Variants in KCNIP1 observed in about 807,000 individuals in gnomAD.
KCNIP1 encodes A-type potassium channel modulatory protein KCNIP1.
A neutral mutation model predicts 33.0 loss-of-function variants in KCNIP1; 18 were observed. The observed-to-expected ratio is 0.55, with a 90% CI of 0.38 to 0.81. The LOEUF (loss-of-function observed/expected upper bound fraction) is 0.81. Among genes scored for constraint, KCNIP1 ranks in the 30% least tolerant of loss-of-function variants. The pLI, the probability that KCNIP1 is intolerant of heterozygous loss-of-function variation, is 0.00. For synonymous variants in KCNIP1, 93 were observed against 98.3 expected, an observed-to-expected ratio of 0.95 and a Z score of 0.32; for missense variants, 238 against 271.6, an observed-to-expected ratio of 0.88 and a Z score of 0.87.
At chr5:170,371,325 C>A (rs966603395) in intron 1 of KCNIP1, among the ~76,000 whole-genome samples, 1 of 152,178 alleles carries the variant, frequency 6.6e-6, no homozygotes, top group Non-Finnish European at 1.5e-5. Flanking sequence ...ATCACCCCCA[C>A]ATCTATTGAG....
At chr5:170,424,146 G>A (rs1003282361) in intron 1 of KCNIP1, among the ~76,000 whole-genome samples, 2 of 152,212 alleles carry the variant, frequency 1.3e-5, no homozygotes, top group African/African-American at 4.8e-5. Context: ...TTACTAGGGA[G>A]CTTCTCAGAC....
chr5:170,723,621 T>A (rs535638404), intron 5 of KCNIP1, among the ~76,000 whole-genome samples: 1 of 151,870 alleles, frequency 6.6e-6, no homozygotes, highest in Non-Finnish European at 1.5e-5. Context: ...CATTTAGTCA[T>A]GTTTTTAATT....
At chr5:170,699,555 T>C (rs1215528638) in intron 1 of KCNIP1, among the ~76,000 whole-genome samples, 1 of 118,220 alleles carries the variant, frequency 8.5e-6, no homozygotes, top group East Asian at 2.7e-4. Flanking sequence ...AATTGCTCTG[T>C]GAAAAAAAAA....
intron 1 of KCNIP1, among the ~76,000 whole-genome samples, chr5:170,532,250 A>T (rs534914176): frequency 9.2e-5 from 14 of 152,332 alleles, no homozygotes; most frequent in Admixed American, 2.6e-4. Context: ...ACTGACTTTA[A>T]TTTCAACTTC....
At position 170,638,299 on chromosome 5, in the gene KCNIP1, T is replaced by G. The variant is rs575122943; in HGVS notation, c.62-80459T>G. ...AGCAGTTGCCTTTGCTCGGTGGTCTTCAGCTTTGCCCCCTGCCAGGCACGT... is the reference window on the plus strand; with the variant it reads ...AGCAGTTGCCTTTGCTCGGTGGTCTGCAGCTTTGCCCCCTGCCAGGCACGT... On this transcript the variant is annotated intron_variant, in intron 1 of 7. Transcript: ENST00000328939. Among the ~76,000 whole-genome samples the G allele has an allele frequency of 2.0e-5, 3 of 151,996 alleles. No homozygotes were observed. In the East Asian group the frequency reaches 5.8e-4, roughly 30 times the overall value.
At chr5:170,528,922 T>C (rs1755684004) in intron 1 of KCNIP1, among the ~76,000 whole-genome samples, 1 of 152,202 alleles carries the variant, frequency 6.6e-6, no homozygotes, top group Admixed American at 6.5e-5. Flanking sequence ...TCAATAGTCC[T>C]GGGCAGTGTT....
At chr5:170,427,780 T>G (rs772708955) in intron 1 of KCNIP1, among the ~76,000 whole-genome samples, 4 of 152,272 alleles carry the variant, frequency 2.6e-5, no homozygotes, top group Non-Finnish European at 5.9e-5. Context: ...CAAAGGAAAG[T>G]GTGCTGCCAG....
intron 1 of KCNIP1, among the ~76,000 whole-genome samples, chr5:170,660,487 C>G (rs1238169957): frequency 2.0e-5 from 3 of 152,168 alleles, no homozygotes; most frequent in African/African-American, 7.2e-5. Context: ...AGACACCCAG[C>G]TAATGATATT....
intron 1 of KCNIP1, among the ~76,000 whole-genome samples, chr5:170,441,951 CAAAAAAAA>C (rs34610945): frequency 4.2e-5 from 3 of 72,246 alleles, no homozygotes; most frequent in Admixed American, 1.6e-4. Context: ...GACTCCATCT[CAAAAAAAA>C]AAAAAAAAAA....
At chr5:170,431,115 A>G (rs1261633010) in intron 1 of KCNIP1, among the ~76,000 whole-genome samples, 2 of 152,234 alleles carry the variant, frequency 1.3e-5, no homozygotes, top group African/African-American at 4.8e-5. Context: ...ACAGATTCCA[A>G]TTAAGGGACT....
chr5:170,486,691 T>C (rs187941588), intron 1 of KCNIP1, among the ~76,000 whole-genome samples: 14 of 152,348 alleles, frequency 9.2e-5, no homozygotes, highest in Admixed American at 5.2e-4. Flanking sequence ...AGTCAGTTTC[T>C]GGTTTTTGCA....
intron 1 of KCNIP1, among the ~76,000 whole-genome samples, chr5:170,463,572 A>G (rs1756550827): frequency 6.6e-6 from 1 of 152,214 alleles, no homozygotes; most frequent in Admixed American, 6.5e-5. Flanking sequence ...AAAAAAACAC[A>G]TGATCATCTT....
intron 1 of KCNIP1, among the ~76,000 whole-genome samples, chr5:170,464,635 G>T (rs1384485582): frequency 1.3e-5 from 2 of 152,202 alleles, no homozygotes; most frequent in African/African-American, 4.8e-5. Context: ...ATGGGGAATT[G>T]CTTGAGGTCA....
chr5:170,662,366 T>A lies in KCNIP1; in HGVS notation c.62-56392T>A, dbSNP rs371922500. 1.0e-3 allele frequency among the ~76,000 whole-genome samples: 153 copies of A among 152,308 alleles called. 1 individual carries two copies. The highest frequency in any genetic ancestry group is 3.5e-3 in the African/African-American group (147 of 41,578). ...GGAATGACCCTCCGTCACTGAAGGC[T>A]GTGCTGGAATCACATTTCCTCTGTC... On this transcript the variant is annotated intron_variant, in intron 1 of 7. Transcript: ENST00000328939.
At position 170,673,350 on chromosome 5, in the gene KCNIP1, C is replaced by T. The variant is rs191222586; in HGVS notation, c.62-45408C>T. Among the ~76,000 whole-genome samples the T allele has an allele frequency of 6.6e-5, 10 of 152,304 alleles. No homozygotes were observed. In the South Asian group the frequency reaches 1.0e-3, roughly 16 times the overall value. The stretch of plus-strand genomic sequence containing the variant: ...AGCTTAAACACTGAGGCTCTATTCC[C>T]GATCTGTTAAGTGAGAGTGGTGATG... On this transcript the variant is annotated intron_variant, in intron 1 of 7. Transcript: ENST00000328939.
chr5:170,663,501 A>T (rs1051375498), intron 1 of KCNIP1, among the ~76,000 whole-genome samples: 2 of 152,132 alleles, frequency 1.3e-5, no homozygotes, highest in African/African-American at 4.8e-5. Context: ...TACAGAAGAC[A>T]AGGAGTTTGG....
At chr5:170,595,748 C>T (rs890690504) in intron 1 of KCNIP1, among the ~76,000 whole-genome samples, 1 of 152,188 alleles carries the variant, frequency 6.6e-6, no homozygotes, top group South Asian at 2.1e-4. Context: ...GATGATTTTG[C>T]CAAGGTTACA....
intron 1 of KCNIP1, among the ~76,000 whole-genome samples, chr5:170,439,960 C>A (rs564825723): frequency 6.6e-6 from 1 of 152,218 alleles, no homozygotes; most frequent in Non-Finnish European, 1.5e-5. Context: ...GTTCTGTCTT[C>A]CCCAAACTCA....
At chr5:170,468,037 G>T (rs1756646318) in intron 1 of KCNIP1, among the ~76,000 whole-genome samples, 1 of 151,040 alleles carries the variant, frequency 6.6e-6, no homozygotes, top group Non-Finnish European at 1.5e-5. Context: ...TAATGTTTAA[G>T]AATCTGTGGC....
Sources: gnomAD v4.1 joint callset for allele counts (sites outside exome capture counted in the v4.1 genomes callset) on GRCh38, gnomAD v4.1.1 for gene constraint, MANE v1.5 for transcripts, NCBI Gene and HGNC (gene_info 2026-07-23, HGNC 2026-07-21) for gene names.